The following CYP2F1 variants were observed in gnomAD, a reference collection of about 807,000 sequenced individuals.
CYP2F1 encodes cytochrome P450 2F1.
CYP2F1 carries 33 observed loss-of-function variants against 40.4 expected under a neutral mutation model. The ratio of observed to expected loss-of-function variants is 0.82; its 90% CI spans 0.62 to 1.09. The LOEUF (loss-of-function observed/expected upper bound fraction) is 1.09, where lower values mean the gene tolerates loss of function less well. Among genes scored for constraint, CYP2F1 ranks in the 50% least tolerant of loss-of-function variants. CYP2F1 has a pLI of 0.00. For missense variants in CYP2F1, 566 were observed against 655.7 expected (o/e 0.86, Z 1.49); for synonymous variants, 235 against 277.2 (o/e 0.85, Z 1.51).
At position 41,128,263 on chromosome 19, in the gene CYP2F1, G is replaced by C. The variant is rs1277419545; in HGVS notation, c.*181G>C. 3 of 577,516 alleles carry C rather than the reference G, an allele frequency of 5.2e-6. No homozygotes were observed. The highest frequency in any genetic ancestry group is 8.9e-6 in the Non-Finnish European group (3 of 337,546). 35.8% of individuals were successfully genotyped at this position (577,516 alleles called of 1,614,324 possible). A position where few individuals can be genotyped will look rare whatever the true frequency, so the allele number is the denominator to read the frequency against. On this transcript the variant is annotated 3_prime_UTR_variant, in exon 10 of 10. Coordinates refer to ENST00000331105, the MANE Select transcript of CYP2F1 (RefSeq NM_000774.5). ...CAATCTGTGCCCCGTCTGCAGGGCAGAGGCAGATGTGGCATGTCTTTTTGT... is the reference window on the plus strand; with the variant it reads ...CAATCTGTGCCCCGTCTGCAGGGCACAGGCAGATGTGGCATGTCTTTTTGT...
In CYP2F1 at chr19:41,120,493, G is replaced by A. The variant is rs1292856084; in HGVS notation, c.481G>A (p.Glu161Lys). ...CCTGCTGGCGGAGCTGCGGAAAACT[G>A]AAGGTCAGGAATTTTTTTTAACAGG... is the stretch of plus-strand genomic sequence containing the variant. ...SFLLAELRKT[E>K]GEPFDPTFVL... The change falls in exon 4 of 10, where the codon GAA (glutamate) becomes AAA (lysine). Residue 161 changes from glutamate (E) to lysine (K), a missense_variant. Transcript: ENST00000331105. 3.1e-6 allele frequency: 5 copies of A among 1,612,178 alleles called. No homozygotes were observed. Among genetic ancestry groups the A allele is most frequent in the Non-Finnish European group, 4.2e-6 (5 of 1,179,450 alleles).
intron 9 of CYP2F1, among the ~76,000 whole-genome samples, chr19:41,126,151 G>A (rs965621051): frequency 1.4e-5 from 2 of 147,966 alleles, no homozygotes; most frequent in Non-Finnish European, 3.0e-5. Context: ...AACAGCCAGG[G>A]GCAGTTGCTC....
intron 9 of CYP2F1, among the ~76,000 whole-genome samples, 196 bp from the exon 10 acceptor site, chr19:41,127,705 A>G (rs1056770563): frequency 3.3e-5 from 5 of 152,172 alleles, no homozygotes; most frequent in Admixed American, 6.5e-5. Flanking sequence ...TGACAGGGCC[A>G]GGATTCGAAC....
chr19:41,117,158 T>C (rs908068063), intron 3 of CYP2F1, among the ~76,000 whole-genome samples: 21 of 151,688 alleles, frequency 1.4e-4, no homozygotes, highest in Admixed American at 7.9e-4. Flanking sequence ...CTGAGATGAG[T>C]CTTGCTCTGT....
chr19:41,115,296 C>T (rs2031728167), intron 1 of CYP2F1, among the ~76,000 whole-genome samples: 1 of 152,108 alleles, frequency 6.6e-6, no homozygotes, highest in Non-Finnish European at 1.5e-5. Context: ...CCTTCCATGT[C>T]CCTCTCTGTC....
chr19:41,128,351 T>TG lies in CYP2F1; in HGVS notation c.*269_*270insG, dbSNP rs71793872. ...GCTTTTTGTATCATTTCTTAGTACA[T>TG]TGTAATAGATTCAAACCAGTCTTGG... On this transcript the variant is annotated 3_prime_UTR_variant, in exon 10 of 10. Transcript: ENST00000331105. The TG allele has an allele frequency of 6.4e-6, 2 of 311,462 alleles. No homozygotes were observed. Among genetic ancestry groups the TG allele is most frequent in the African/African-American group, 1.2e-4 (2 of 17,310 alleles). 19.3% of individuals were successfully genotyped at this position (311,462 alleles called of 1,614,324 possible).
rs2032622027 is a variant in CYP2F1 at position 41,128,182 on chromosome 19, A to C, written c.*100A>C. 8.2e-7 allele frequency: 1 copy of C among 1,217,472 alleles called. No homozygotes were observed. The highest frequency in any genetic ancestry group is 2.6e-5 in the Admixed American group (1 of 39,068). 75.4% of individuals were successfully genotyped at this position (1,217,472 alleles called of 1,614,324 possible). A position where few individuals can be genotyped will look rare whatever the true frequency, so the allele number is the denominator to read the frequency against. ...CACAGTCTGCCCTCATCCCTCTGGC[A>C]GTCACGCTGTCTTCCCTGCATGCTG... On this transcript the variant is annotated 3_prime_UTR_variant, in exon 10 of 10. Transcript: ENST00000331105.
chr19:41,125,637 G>C lies in CYP2F1; in HGVS notation c.1294+3G>C, dbSNP rs772926718. 2 of 1,613,610 alleles carry C rather than the reference G, an allele frequency of 1.2e-6. No homozygotes were observed. Among genetic ancestry groups the C allele is most frequent in the East Asian group, 2.2e-5 (1 of 44,886 alleles). On this transcript the variant is annotated splice_donor_region_variant and intron_variant, in intron 9 of 9. Coordinates refer to ENST00000331105, the MANE Select transcript of CYP2F1 (RefSeq NM_000774.5). ...AGCCTTCATGCCCTTCTCAGCTGGTGAGGGCAGGAATCAGAGTCTTTCTGG... is the reference window on the plus strand; with the variant it reads ...AGCCTTCATGCCCTTCTCAGCTGGTCAGGGCAGGAATCAGAGTCTTTCTGG...
chr19:41,119,143 A>T (rs1301636500), intron 3 of CYP2F1, among the ~76,000 whole-genome samples: 1 of 152,124 alleles, frequency 6.6e-6, no homozygotes, highest in Non-Finnish European at 1.5e-5. Context: ...AAACCTAAAG[A>T]ATGAAGATGA....
At chr19:41,123,059 G>C in intron 7 of CYP2F1, 96 bp downstream of exon 7, 1 of 1,383,538 alleles carries the variant, frequency 7.2e-7, no homozygotes, top group Non-Finnish European at 1.0e-6. Context: ...GTCTGATATA[G>C]CCTCCTGCTG....
chr19:41,121,178 G>A (rs1457866173), intron 4 of CYP2F1, among the ~76,000 whole-genome samples: 2 of 151,964 alleles, frequency 1.3e-5, no homozygotes, highest in Non-Finnish European at 2.9e-5. Flanking sequence ...GTGCTATGTC[G>A]CGTGCTGTGT....
At chr19:41,117,324 G>A (rs1353996784) in intron 3 of CYP2F1, among the ~76,000 whole-genome samples, 1 of 151,962 alleles carries the variant, frequency 6.6e-6, no homozygotes, top group African/African-American at 2.4e-5. Context: ...TAGAGATGGG[G>A]TTTTGCCATG....
intron 3 of CYP2F1, among the ~76,000 whole-genome samples, chr19:41,117,233 C>T (rs1353685562): frequency 3.9e-5 from 6 of 152,038 alleles, no homozygotes; most frequent in African/African-American, 1.2e-4. Flanking sequence ...CAGGCTCATG[C>T]GATTCTCCTG....
chr19:41,123,029 G>A (rs772073383), intron 7 of CYP2F1, 66 bp downstream of exon 7: 1 of 1,547,460 alleles, frequency 6.5e-7, no homozygotes, highest in Admixed American at 1.9e-5. Flanking sequence ...AGAGCAGGGA[G>A]CCACGGCCCC....
rs1337166345 is a variant in CYP2F1, at chr19:41,119,748, T to TATATATATACACAC, written c.335-598_335-597insTATATATACACACA. On this transcript the variant is annotated intron_variant, in intron 3 of 9. Transcript: ENST00000331105. ...CTATATATATATATATATATATATA[T>TATATATATACACAC]ACACACACACACACACACACACACA... Among the ~76,000 whole-genome samples, 81 of 36,058 alleles carry TATATATATACACAC rather than the reference T, an allele frequency of 2.2e-3. 1 individual carries two copies. Among genetic ancestry groups the TATATATATACACAC allele is most frequent in the Non-Finnish European group, 3.5e-3 (73 of 20,570 alleles). 23.7% of individuals were successfully genotyped at this position (36,058 alleles called of 152,430 possible).
intron 4 of CYP2F1, among the ~76,000 whole-genome samples, chr19:41,120,760 G>T (rs2032148987): frequency 6.6e-6 from 1 of 151,824 alleles, no homozygotes; most frequent in Non-Finnish European, 1.5e-5. Flanking sequence ...GGAACTATAG[G>T]CATACACCAC....
In CYP2F1 at chr19:41,122,807, C is replaced by T. The variant is rs2032306239; in HGVS notation, c.823-15C>T. The T allele has an allele frequency of 6.6e-7, 1 of 1,526,220 alleles. No homozygotes were observed. Among genetic ancestry groups the T allele is most frequent in the Non-Finnish European group, 8.8e-7 (1 of 1,136,882 alleles). 94.5% of individuals were successfully genotyped at this position (1,526,220 alleles called of 1,614,324 possible). ...TCCATTCCTGGCTCACATCCCCACC[C>T]CTCTACCAATGCAGGAGAAGGAGGA... On this transcript the variant is annotated splice_polypyrimidine_tract_variant and intron_variant, in intron 6 of 9. Transcript: ENST00000331105.
intron 9 of CYP2F1, among the ~76,000 whole-genome samples, chr19:41,127,074 G>T (rs868607745): frequency 2.0e-5 from 3 of 152,194 alleles, no homozygotes; most frequent in Admixed American, 6.5e-5. Flanking sequence ...CTGGGAATGT[G>T]TGGCCCAGAT....
intron 4 of CYP2F1, among the ~76,000 whole-genome samples, chr19:41,120,976 G>C (rs759125925): frequency 6.6e-6 from 1 of 152,074 alleles, no homozygotes; most frequent in East Asian, 1.9e-4. Context: ...GTGTACTAGC[G>C]TGTGTTGTGT....
Sources: allele counts gnomAD v4.1 joint callset (sites outside exome capture counted in the v4.1 genomes callset), GRCh38; gene constraint gnomAD v4.1.1; transcripts MANE v1.5; gene names NCBI Gene and HGNC (gene_info 2026-07-23, HGNC 2026-07-21).